The following NCAPG2 variants were observed in gnomAD, a reference collection of about 807,000 sequenced individuals.
NCAPG2 encodes condensin-2 complex subunit G2.
A neutral mutation model predicts 141.1 loss-of-function variants in NCAPG2; 53 were observed. That is an observed-to-expected ratio of 0.38 (90% CI 0.30 to 0.47). NCAPG2 has a LOEUF of 0.47. NCAPG2 is among the 20% of genes least tolerant of loss of function. The probability of loss-of-function intolerance (pLI) is 0.99; values close to 1 mark genes in which losing one functional copy is unlikely to be tolerated. For synonymous variants in NCAPG2, 499 were observed against 490.7 expected (o/e 1.02, Z -0.22); for missense variants, 1,087 against 1,389.0 (o/e 0.78, Z 3.46).
intron 23 of NCAPG2, 95 bp from the exon 24 acceptor site, chr7:158,651,067 C>T: frequency 7.8e-7 from 1 of 1,281,996 alleles, no homozygotes; most frequent in South Asian, 1.6e-5. Context: ...TTACTATCCT[C>T]CCCCAGGACT....
intron 19 of NCAPG2, among the ~76,000 whole-genome samples, chr7:158,656,013 G>A (rs948695822): frequency 2.6e-4 from 40 of 152,204 alleles, no homozygotes; most frequent in Non-Finnish European, 3.4e-4. Context: ...ATCCTCCTGA[G>A]TCCTAGCGCC....
At chr7:158,636,047 C>T (rs1830174421) in intron 27 of NCAPG2, among the ~76,000 whole-genome samples, 1 of 152,130 alleles carries the variant, frequency 6.6e-6, no homozygotes, top group Admixed American at 6.5e-5. Context: ...TTTCACAGTC[C>T]TGACCTATTT....
chr7:158,701,713 G>A (rs770196815), intron 2 of NCAPG2, 109 bp downstream of exon 2: 134 of 967,664 alleles, frequency 1.4e-4, no homozygotes, highest in African/African-American at 2.2e-4. Context: ...AACATTGGTC[G>A]CTAAGGATTC....
chr7:158,676,142 G>A (rs1834037625), intron 11 of NCAPG2, among the ~76,000 whole-genome samples: 1 of 152,052 alleles, frequency 6.6e-6, no homozygotes, highest in African/African-American at 2.4e-5. Context: ...ACATCAACAG[G>A]GAAATAATCT....
rs1488362173 is a variant in NCAPG2, at chr7:158,693,453, T to C, written c.123A>G (p.Glu41=). 6.2e-7 allele frequency: 1 copy of C among 1,614,046 alleles called. No individual in the cohort carries two copies. The highest frequency in any genetic ancestry group is 1.1e-5 in the South Asian group (1 of 91,082). Residue 41 remains glutamate (E), a synonymous_variant, in exon 3 of 28, where the codon GAA becomes GAG. Coordinates refer to ENST00000356309, the MANE Select transcript of NCAPG2 (RefSeq NM_017760.7). ...DPFSLNELLD[E]LSRKQKEELW... is the part of the protein sequence containing the mutation. ...ATTCTTCTTTCTGTTTCCTTGATAATTCATCTAGTAATTCATTTAGGCTGA... is the reference window on the plus strand; with the variant it reads ...ATTCTTCTTTCTGTTTCCTTGATAACTCATCTAGTAATTCATTTAGGCTGA...
intron 2 of NCAPG2, among the ~76,000 whole-genome samples, chr7:158,695,062 C>T (rs968642088): frequency 1.4e-4 from 22 of 152,078 alleles, no homozygotes; most frequent in Admixed American, 1.1e-3. Context: ...GTTAATGGCC[C>T]GCTTAAGTCC....
At chr7:158,649,688 T>C (rs183198207) in intron 24 of NCAPG2, among the ~76,000 whole-genome samples, 1 of 152,366 alleles carries the variant, frequency 6.6e-6, no homozygotes, top group Admixed American at 6.5e-5. Context: ...TTAACATCTT[T>C]TTATTAGTCA....
intron 13 of NCAPG2, chr7:158,668,249 CCCACTACT>C (rs1833374572): frequency 1.9e-6 from 1 of 523,580 alleles, no homozygotes; most frequent in African/African-American, 2.5e-5. Flanking sequence ...GCCCTCCTTA[CCCACTACT>C]GGGTCCCTCT....
Position 158,633,714 on chromosome 7 carries a change from G to A in NCAPG2, c.3381-1997C>T, listed in dbSNP as rs924490792. On this transcript the variant is annotated intron_variant, in intron 27 of 27. Coordinates refer to ENST00000356309, the MANE Select transcript of NCAPG2 (RefSeq NM_017760.7). This position sits in a 1 kb window ranked among gnomAD's most constrained non-coding sequence, Gnocchi z 4.1. ...GTGCAGCCAGAGGCAAGACAGAGGA[G>A]AACAGGCCCAGGAAGTCATGAACCC... 6.6e-6 allele frequency among the ~76,000 whole-genome samples: 1 copy of A among 152,182 alleles called. No individual in the cohort carries two copies. Among genetic ancestry groups the A allele is most frequent in the African/African-American group, 2.4e-5 (1 of 41,436 alleles).
chr7:158,677,951 T>C (rs1176252029), intron 11 of NCAPG2, among the ~76,000 whole-genome samples: 2 of 151,984 alleles, frequency 1.3e-5, no homozygotes, highest in East Asian at 1.9e-4. Flanking sequence ...GCTGAGACTA[T>C]AGGCATGCAC....
At chr7:158,697,683 A>G (rs1271821590) in intron 2 of NCAPG2, among the ~76,000 whole-genome samples, 1 of 152,230 alleles carries the variant, frequency 6.6e-6, no homozygotes, top group Non-Finnish European at 1.5e-5. Flanking sequence ...AAGACATGGA[A>G]TAAACCTAAA....
Position 158,680,135 on chromosome 7 carries a change from G to T in NCAPG2, c.1021-50C>A, listed in dbSNP as rs143070261. 9 of 1,575,316 alleles carry T rather than the reference G, an allele frequency of 5.7e-6. No individual in the cohort carries two copies. In the Admixed American group the frequency reaches 8.6e-5, roughly 15 times the overall value. Reference sequence around the variant, plus strand: ...TCAGAATCCCAAAGAGTTAACATACGAAGGCTTAAGTACAGTGTTCCCAAA... The same window carrying T: ...TCAGAATCCCAAAGAGTTAACATACTAAGGCTTAAGTACAGTGTTCCCAAA... On this transcript the variant is annotated intron_variant, in intron 10 of 27. Transcript: ENST00000356309.
At chr7:158,683,542 T>G (rs1365454678) in intron 8 of NCAPG2, among the ~76,000 whole-genome samples, 156 bp from the exon 9 acceptor site, 1 of 152,260 alleles carries the variant, frequency 6.6e-6, no homozygotes, top group African/African-American at 2.4e-5. Flanking sequence ...TTTCTTATTT[T>G]AAGTCCATGC....
At chr7:158,653,906 C>T (rs535090137) in intron 22 of NCAPG2, among the ~76,000 whole-genome samples, 7 of 152,120 alleles carry the variant, frequency 4.6e-5, no homozygotes, top group African/African-American at 1.2e-4. Context: ...ACCACAGAAG[C>T]GGCTGAGGGG....
chr7:158,697,434 T>C (rs765580022), intron 2 of NCAPG2, among the ~76,000 whole-genome samples: 6 of 152,152 alleles, frequency 3.9e-5, no homozygotes, highest in Non-Finnish European at 7.4e-5. Context: ...AAACCCTGTC[T>C]CTACTAAAAA....
At chr7:158,651,117 A>G in intron 23 of NCAPG2, 145 bp from the exon 24 acceptor site, 2 of 785,034 alleles carry the variant, frequency 2.5e-6, no homozygotes, top group Admixed American at 7.4e-5. Flanking sequence ...ACCAGTGCCC[A>G]CTACATTCCA....
intron 16 of NCAPG2, among the ~76,000 whole-genome samples, chr7:158,659,689 T>A (rs116474354): frequency 0.031 from 4,697 of 152,028 alleles, 189 homozygotes; most frequent in African/African-American, 0.099. Flanking sequence ...CCTAAAATAA[T>A]GATAATAATA....
At chr7:158,655,478 G>T (rs376573723) in intron 19 of NCAPG2, 23 bp from the exon 20 acceptor site, 1 of 1,587,580 alleles carries the variant, frequency 6.3e-7, no homozygotes, top group Admixed American at 1.7e-5. Context: ...AAACCCAAGG[G>T]CCACATGCTG....
chr7:158,690,031 C>A, intron 5 of NCAPG2, 78 bp from the exon 6 acceptor site: 7 of 1,149,124 alleles, frequency 6.1e-6, no homozygotes, highest in Admixed American at 3.8e-5. Flanking sequence ...TATTTTATAT[C>A]ATAAATAATG....
Sources: gnomAD v4.1 joint callset for allele counts (sites outside exome capture counted in the v4.1 genomes callset) on GRCh38, gnomAD v4.1.1 for gene constraint, Gnocchi (gnomAD v3.1) non-coding constraint, MANE v1.5 for transcripts, NCBI Gene and HGNC (gene_info 2026-07-23, HGNC 2026-07-21) for gene names.